The following LRRTM4 variants were observed in gnomAD, a reference collection of about 807,000 sequenced individuals.
The protein encoded by LRRTM4 is leucine rich repeat transmembrane neuronal 4, also known as leucine-rich repeat transmembrane neuronal protein 4.
LRRTM4 carries 25 observed loss-of-function variants against 47.6 expected under a neutral mutation model. That is an observed-to-expected ratio of 0.53 (90% confidence interval 0.38 to 0.73). LRRTM4 has a LOEUF of 0.73. Among genes scored for constraint, LRRTM4 ranks in the 30% least tolerant of loss-of-function variants. LRRTM4 has a pLI of 0.00. For missense variants in LRRTM4, 638 were observed against 713.4 expected (o/e 0.89, Z 1.20); for synonymous variants, 311 against 269.5 (o/e 1.15, Z -1.51).
At chr2:76,777,610 G>T (rs1286193619) in intron 3 of LRRTM4, among the ~76,000 whole-genome samples, 2 of 149,420 alleles carry the variant, frequency 1.3e-5, no homozygotes, top group African/African-American at 5.0e-5. Flanking sequence ...CATTGATTTT[G>T]TATCCTGAGA....
chr2:77,125,314 T>A (rs1403145702), intron 3 of LRRTM4, among the ~76,000 whole-genome samples: 1 of 152,178 alleles, frequency 6.6e-6, no homozygotes, highest in Non-Finnish European at 1.5e-5. Flanking sequence ...TAATTGTATA[T>A]GACATCTGAT....
At chr2:77,087,422 C>T (rs1680754734) in intron 3 of LRRTM4, among the ~76,000 whole-genome samples, 1 of 152,140 alleles carries the variant, frequency 6.6e-6, no homozygotes. Flanking sequence ...TTGTGTGGAC[C>T]AGGAAAAAAT....
chr2:77,072,820 A>AAAAC (rs1432140881), intron 3 of LRRTM4, among the ~76,000 whole-genome samples: 2 of 151,716 alleles, frequency 1.3e-5, no homozygotes, highest in South Asian at 4.2e-4. Flanking sequence ...AAAAAAAAAA[A>AAAAC]AAACAAAGGC....
At chr2:76,997,401 G>A (rs1423061445) in intron 3 of LRRTM4, among the ~76,000 whole-genome samples, 1 of 149,964 alleles carries the variant, frequency 6.7e-6, no homozygotes, top group Non-Finnish European at 1.5e-5. Flanking sequence ...AGTTTGTTGA[G>A]ATGTTTTATT....
chr2:77,420,571 A>G (rs963786239), intron 3 of LRRTM4, among the ~76,000 whole-genome samples: 6 of 151,726 alleles, frequency 4.0e-5, no homozygotes, highest in African/African-American at 1.5e-4. Flanking sequence ...AGAATAAGGA[A>G]AAAGCTATTC....
intron 3 of LRRTM4, among the ~76,000 whole-genome samples, chr2:77,315,371 A>G (rs180698017): frequency 1.2e-3 from 186 of 152,324 alleles, no homozygotes; most frequent in Non-Finnish European, 2.3e-3. Flanking sequence ...TTCATATAAT[A>G]CATACATTTA....
At chr2:77,298,470 C>T (rs1262609066) in intron 3 of LRRTM4, among the ~76,000 whole-genome samples, 5 of 152,160 alleles carry the variant, frequency 3.3e-5, no homozygotes, top group African/African-American at 4.8e-5. Flanking sequence ...TTCTCCTGAC[C>T]TCATGATCCG....
chr2:77,471,605 C>T (rs1330415753), intron 3 of LRRTM4, among the ~76,000 whole-genome samples: 3 of 152,126 alleles, frequency 2.0e-5, no homozygotes, highest in Non-Finnish European at 4.4e-5. Context: ...CTTGTTGATC[C>T]TCAAACAAAC....
chr2:76,817,507 C>T (rs914919147), intron 3 of LRRTM4, among the ~76,000 whole-genome samples: 4 of 151,918 alleles, frequency 2.6e-5, no homozygotes, highest in South Asian at 2.1e-4. Flanking sequence ...CACAAAAATA[C>T]TAGTTATTTT....
At chr2:77,318,313 T>C (rs1460668913) in intron 3 of LRRTM4, among the ~76,000 whole-genome samples, 1 of 152,020 alleles carries the variant, frequency 6.6e-6, no homozygotes, top group Non-Finnish European at 1.5e-5. Context: ...GCCCCAACAC[T>C]CTTATTTTTA....
intron 3 of LRRTM4, among the ~76,000 whole-genome samples, chr2:77,285,340 T>TTTTATATATA (rs1553422162): frequency 2.4e-5 from 2 of 82,592 alleles, no homozygotes; most frequent in African/African-American, 8.4e-5. Flanking sequence ...AGCATTAAAT[T>TTTTATATATA]TATATATATA....
intron 3 of LRRTM4, among the ~76,000 whole-genome samples, chr2:76,773,621 AAAAT>A (rs1157863946): frequency 1.3e-5 from 2 of 151,844 alleles, no homozygotes; most frequent in Admixed American, 6.5e-5. Context: ...CTAAAAATAA[AAAAT>A]AAATAATAAA....
chr2:77,071,959 A>G (rs1027407372), intron 3 of LRRTM4, among the ~76,000 whole-genome samples: 30 of 152,082 alleles, frequency 2.0e-4, no homozygotes, highest in African/African-American at 5.6e-4. Flanking sequence ...AATTAATAAT[A>G]TTTTTTGACT....
At chr2:77,111,145 T>G (rs1671236626) in intron 3 of LRRTM4, among the ~76,000 whole-genome samples, 1 of 152,126 alleles carries the variant, frequency 6.6e-6, no homozygotes, top group South Asian at 2.1e-4. Flanking sequence ...AGTCTTGCTC[T>G]GTTGCCCAGG....
At chr2:77,068,095 TAG>T (rs979415136) in intron 3 of LRRTM4, among the ~76,000 whole-genome samples, 2 of 152,148 alleles carry the variant, frequency 1.3e-5, no homozygotes, top group African/African-American at 4.8e-5. Flanking sequence ...ACAAGAGATA[TAG>T]AGACTATTTC....
chr2:77,185,939 A>C (rs1230840652), intron 3 of LRRTM4, among the ~76,000 whole-genome samples: 2 of 152,146 alleles, frequency 1.3e-5, no homozygotes, highest in African/African-American at 4.8e-5. Context: ...GGATTATGTG[A>C]GATTATGTTT....
intron 3 of LRRTM4, among the ~76,000 whole-genome samples, chr2:76,981,812 T>C (rs1424673073): frequency 1.3e-5 from 2 of 152,004 alleles, no homozygotes; most frequent in Admixed American, 1.3e-4. Context: ...TTTTTAAATC[T>C]ATTAAGAAAT....
chr2:76,945,404 G>C (rs532097485), intron 3 of LRRTM4, among the ~76,000 whole-genome samples: 1 of 152,022 alleles, frequency 6.6e-6, no homozygotes, highest in Non-Finnish European at 1.5e-5. Flanking sequence ...TTAGCAGATT[G>C]AAAATGGCCC....
intron 3 of LRRTM4, among the ~76,000 whole-genome samples, chr2:77,123,786 C>A (rs1431238104): frequency 6.6e-6 from 1 of 151,988 alleles, no homozygotes; most frequent in African/African-American, 2.4e-5. Flanking sequence ...ACTAGTATTC[C>A]ATTTAAACTC....
Sources: gnomAD v4.1 joint callset for allele counts (sites outside exome capture counted in the v4.1 genomes callset) on GRCh38, gnomAD v4.1.1 for gene constraint, MANE v1.5 for transcripts, NCBI Gene and HGNC (gene_info 2026-07-23, HGNC 2026-07-21) for gene names.